GPC5: variants seen among roughly 807,000 people sequenced by gnomAD.
The protein encoded by GPC5 is glypican 5, also known as glypican-5.
In GPC5, 47 loss-of-function variants were observed where a neutral mutation model predicts 53.9. The ratio of observed to expected loss-of-function variants is 0.87; its 90% CI spans 0.69 to 1.11. The LOEUF (loss-of-function observed/expected upper bound fraction) is 1.11. GPC5 is among the 50% of genes most tolerant of loss of function. GPC5 has a pLI of 0.00. For missense variants in GPC5, 748 were observed against 713.1 expected (o/e 1.05, Z -0.56); for synonymous variants, 286 against 263.3 (o/e 1.09, Z -0.84).
At chr13:92,125,869 A>C (rs2041690150) in intron 6 of GPC5, among the ~76,000 whole-genome samples, 1 of 148,060 alleles carries the variant, frequency 6.8e-6, no homozygotes, top group African/African-American at 2.5e-5. Flanking sequence ...GTTGAGTTGG[A>C]CTTTGGATAG....
chr13:91,801,690 C>T (rs1217366078), intron 5 of GPC5, among the ~76,000 whole-genome samples: 1 of 152,174 alleles, frequency 6.6e-6, no homozygotes, highest in Non-Finnish European at 1.5e-5. Flanking sequence ...TTATTGAATG[C>T]TTCCTACGTA....
At chr13:91,612,692 G>A (rs965882446) in intron 2 of GPC5, among the ~76,000 whole-genome samples, 2 of 152,048 alleles carry the variant, frequency 1.3e-5, no homozygotes, top group Non-Finnish European at 2.9e-5. Flanking sequence ...GACAAATGCA[G>A]GCCAATACAA....
intron 2 of GPC5, among the ~76,000 whole-genome samples, chr13:91,498,073 C>A (rs1209287850): frequency 7.7e-6 from 1 of 130,300 alleles, no homozygotes; most frequent in Non-Finnish European, 1.7e-5. Flanking sequence ...GCCTCTAAGC[C>A]TTTTTTAATC....
intron 7 of GPC5, among the ~76,000 whole-genome samples, chr13:92,623,483 A>G (rs886269238): frequency 2.6e-5 from 4 of 152,230 alleles, no homozygotes; most frequent in African/African-American, 9.6e-5. Flanking sequence ...CATACACTGC[A>G]TTTTAAAATC....
chr13:92,391,745 TC>T (rs1401107605), intron 7 of GPC5, among the ~76,000 whole-genome samples: 1 of 152,226 alleles, frequency 6.6e-6, no homozygotes, highest in Non-Finnish European at 1.5e-5. Flanking sequence ...TGGCCAATTT[TC>T]TTCTGGCTTC....
intron 7 of GPC5, among the ~76,000 whole-genome samples, chr13:92,861,969 C>T (rs1473607343): frequency 6.6e-6 from 1 of 152,188 alleles, no homozygotes; most frequent in Non-Finnish European, 1.5e-5. Context: ...ACTGAAAATG[C>T]TCTCATTTGA....
intron 7 of GPC5, among the ~76,000 whole-genome samples, chr13:92,547,092 T>C (rs2139010165): frequency 6.6e-6 from 1 of 152,276 alleles, no homozygotes; most frequent in South Asian, 2.1e-4. Context: ...TCAAAAGATA[T>C]CTTTGCATTA....
chr13:92,120,981 GA>G (rs2041644356), intron 6 of GPC5, among the ~76,000 whole-genome samples: 1 of 152,116 alleles, frequency 6.6e-6, no homozygotes, highest in African/African-American at 2.4e-5. Context: ...CAAAGTTTCT[GA>G]AAAGACCACT....
At chr13:92,055,448 A>G (rs2041066759) in intron 6 of GPC5, among the ~76,000 whole-genome samples, 1 of 152,228 alleles carries the variant, frequency 6.6e-6, no homozygotes, top group Non-Finnish European at 1.5e-5. Context: ...CAAGATGTAA[A>G]CTTTATCAAT....
In GPC5 at chr13:92,030,545, G is replaced by A. The variant is rs576893225; in HGVS notation, c.1402-114285G>A. Among the ~76,000 whole-genome samples, 7 of 152,064 alleles carry A rather than the reference G, an allele frequency of 4.6e-5. No homozygotes were observed. In the East Asian group the frequency reaches 1.4e-3, roughly 30 times the overall value. ...CCTTAAAGTGTTGTCTATAAGCACT[G>A]CCTCCATTTTGTCTCCTTTCCCTAC... On this transcript the variant is annotated intron_variant, in intron 6 of 7. Transcript: ENST00000377067.
intron 7 of GPC5, among the ~76,000 whole-genome samples, chr13:92,383,336 A>G (rs1182300150): frequency 6.6e-6 from 1 of 152,230 alleles, no homozygotes; most frequent in African/African-American, 2.4e-5. Flanking sequence ...AAACTAAATG[A>G]TAGATTATTT....
intron 7 of GPC5, among the ~76,000 whole-genome samples, chr13:92,462,675 G>T (rs1431367700): frequency 6.6e-6 from 1 of 151,540 alleles, no homozygotes; most frequent in East Asian, 1.9e-4. Flanking sequence ...AAAGCCACAG[G>T]ACTGGGAGAG....
rs377395323 is a variant in GPC5, at chr13:92,620,466, G to A, written c.1562-245816G>A. 1.4e-4 allele frequency among the ~76,000 whole-genome samples: 21 copies of A among 152,074 alleles called. No individual in the cohort carries two copies. In the East Asian group the frequency reaches 2.3e-3, roughly 17 times the overall value. On this transcript the variant is annotated intron_variant, in intron 7 of 7. Coordinates refer to ENST00000377067, the MANE Select transcript of GPC5 (RefSeq NM_004466.6). ...AATTCCACCAGGTTTTTTGTTTCTC[G>A]TTTTACATTTTGTAATATAAAGTCA...
chr13:91,399,596 A>AT (rs1876771565), intron 1 of GPC5, among the ~76,000 whole-genome samples: 2 of 152,174 alleles, frequency 1.3e-5, no homozygotes, highest in Admixed American at 6.5e-5. Flanking sequence ...CTGCTTTCTC[A>AT]TAAGGTGGAG....
intron 6 of GPC5, among the ~76,000 whole-genome samples, chr13:91,945,964 C>T (rs2039970797): frequency 6.6e-6 from 1 of 152,126 alleles, no homozygotes; most frequent in Non-Finnish European, 1.5e-5. Context: ...TTCTCCATCT[C>T]CCTGAAGACT....
intron 7 of GPC5, among the ~76,000 whole-genome samples, chr13:92,398,408 G>A (rs1875387736): frequency 1.8e-5 from 2 of 109,796 alleles, no homozygotes; most frequent in Admixed American, 1.1e-4. Flanking sequence ...CAGCCTGGGC[G>A]ACAGAGCGAG....
intron 6 of GPC5, among the ~76,000 whole-genome samples, chr13:91,937,757 T>C (rs1337006588): frequency 6.6e-6 from 1 of 152,030 alleles, no homozygotes; most frequent in Non-Finnish European, 1.5e-5. Flanking sequence ...CAAGCAAATA[T>C]AAGTGGAAGC....
chr13:92,227,221 T>C (rs918828617), intron 7 of GPC5, among the ~76,000 whole-genome samples: 2 of 152,214 alleles, frequency 1.3e-5, no homozygotes, highest in African/African-American at 2.4e-5. Context: ...AGTGATTTAA[T>C]GTCTACAGAT....
intron 2 of GPC5, among the ~76,000 whole-genome samples, chr13:91,523,992 T>G (rs1180018394): frequency 1.3e-5 from 2 of 151,990 alleles, no homozygotes. Context: ...AAAACTACAT[T>G]TATTATCCTA....
Sources: allele counts gnomAD v4.1 joint callset (sites outside exome capture counted in the v4.1 genomes callset), GRCh38; gene constraint gnomAD v4.1.1; transcripts MANE v1.5; gene names NCBI Gene and HGNC (gene_info 2026-07-23, HGNC 2026-07-21).